NUDCD3: variants seen among roughly 807,000 people sequenced by gnomAD.
NUDCD3 encodes the protein NudC domain containing 3, also known as nudC domain-containing protein 3.
NUDCD3 carries 13 observed loss-of-function variants against 39.7 expected under a neutral mutation model. That is an observed-to-expected ratio of 0.33 (90% CI 0.21 to 0.52). The LOEUF (loss-of-function observed/expected upper bound fraction) is 0.52, where lower values mean the gene tolerates loss of function less well. NUDCD3 is among the 20% of genes least tolerant of loss of function. The pLI is 0.96. For synonymous variants in NUDCD3, 175 were observed against 172.4 expected, an observed-to-expected ratio of 1.02 and a Z score of -0.12; for missense variants, 453 against 458.1, an observed-to-expected ratio of 0.99 and a Z score of 0.10.
intron 3 of NUDCD3, among the ~76,000 whole-genome samples, chr7:44,427,365 T>G (rs1799256205): frequency 6.6e-6 from 1 of 152,168 alleles, no homozygotes; most frequent in Non-Finnish European, 1.5e-5. Flanking sequence ...AAGGGAGGTT[T>G]CTGCAGAAGA....
At chr7:44,394,354 C>T (rs960839277) in intron 4 of NUDCD3, among the ~76,000 whole-genome samples, 3 of 152,188 alleles carry the variant, frequency 2.0e-5, no homozygotes, top group East Asian at 1.9e-4. Flanking sequence ...GCTGGTTTGT[C>T]GTTGACTTTA....
rs1295395172 is a variant in NUDCD3 at position 44,490,478 on chromosome 7, A to G, written c.123T>C (p.Tyr41=). Residue 41 remains tyrosine, a synonymous_variant, in exon 1 of 6, where the codon TAT becomes TAC. Transcript: ENST00000355451. ...GGTCCGATGGGTGGCGCAGCAAGCG[A>G]TAGAAGTCTGTCTTGCGGTAGAGGA... ...FGFLYRKTDF[Y]RLLRHPSDRM... 9.3e-6 allele frequency: 15 copies of G among 1,606,658 alleles called. No individual in the cohort carries two copies. The African/African-American group carries it at 1.5e-4, about 16-fold the overall frequency.
At chr7:44,438,599 T>C (rs1799513723) in intron 2 of NUDCD3, among the ~76,000 whole-genome samples, 1 of 62,480 alleles carries the variant, frequency 1.6e-5, no homozygotes. Context: ...CCAGTGCTAA[T>C]TCTGACCCCA....
At chr7:44,445,801 G>A (rs1171490859) in intron 2 of NUDCD3, among the ~76,000 whole-genome samples, 1 of 152,222 alleles carries the variant, frequency 6.6e-6, no homozygotes, top group Non-Finnish European at 1.5e-5. Flanking sequence ...CCAAGGCAAA[G>A]AGGTTTTACG....
chr7:44,416,135 G>A (rs982085282), intron 3 of NUDCD3, among the ~76,000 whole-genome samples: 2 of 152,098 alleles, frequency 1.3e-5, no homozygotes, highest in Admixed American at 6.6e-5. Flanking sequence ...CCAAGGTGGA[G>A]TGCAGTGGCA....
chr7:44,479,316 A>ATTG (rs1211857392), intron 2 of NUDCD3, among the ~76,000 whole-genome samples: 1 of 152,208 alleles, frequency 6.6e-6, no homozygotes, highest in Non-Finnish European at 1.5e-5. Context: ...AATGAATTGT[A>ATTG]TTGTTACATA....
chr7:44,399,518 G>C (rs895605480), intron 4 of NUDCD3, among the ~76,000 whole-genome samples: 9 of 152,208 alleles, frequency 5.9e-5, no homozygotes, highest in African/African-American at 1.9e-4. Flanking sequence ...GGGGACTCAG[G>C]AAAGTGGCTC....
At chr7:44,463,639 T>G (rs1436255313) in intron 2 of NUDCD3, among the ~76,000 whole-genome samples, 1 of 152,104 alleles carries the variant, frequency 6.6e-6, no homozygotes, top group East Asian at 1.9e-4. Context: ...GAGAGGATAT[T>G]ACACTCATAA....
intron 2 of NUDCD3, among the ~76,000 whole-genome samples, chr7:44,481,693 A>G (rs957804585): frequency 1.3e-5 from 2 of 152,176 alleles, no homozygotes; most frequent in African/African-American, 4.8e-5. Flanking sequence ...TTCTTCCAAA[A>G]TTTTGCTAAT....
At chr7:44,412,787 C>T (rs1180564544) in intron 3 of NUDCD3, among the ~76,000 whole-genome samples, 2 of 151,816 alleles carry the variant, frequency 1.3e-5, no homozygotes, top group Admixed American at 6.6e-5. Context: ...ATTAGTTGGG[C>T]GTAGTGGCAG....
chr7:44,472,251 T>A (rs1464792413), intron 2 of NUDCD3, among the ~76,000 whole-genome samples: 1 of 152,182 alleles, frequency 6.6e-6, no homozygotes, highest in Non-Finnish European at 1.5e-5. Flanking sequence ...ATATAGTTGT[T>A]ACTAAAATAC....
At chr7:44,442,195 T>C (rs886619980) in intron 2 of NUDCD3, among the ~76,000 whole-genome samples, 1 of 152,216 alleles carries the variant, frequency 6.6e-6, no homozygotes, top group African/African-American at 2.4e-5. Flanking sequence ...ACAAATAATA[T>C]TGTTATCATC....
chr7:44,486,076 A>C (rs534535870), intron 1 of NUDCD3, among the ~76,000 whole-genome samples: 3 of 152,370 alleles, frequency 2.0e-5, no homozygotes, highest in African/African-American at 4.8e-5. Context: ...GGAGGATCCC[A>C]GTTAGACCCT....
rs561801863 is a variant in NUDCD3, at chr7:44,434,556, A to AC, written c.510-6854dup. On this transcript the variant is annotated intron_variant, in intron 2 of 5. Transcript: ENST00000355451. The stretch of plus-strand genomic sequence containing the variant: ...ATGCTTCTTTACTAGCAGGGATGTG[A>AC]CCCCCCCGCCCCGCAATATCAGGCC... 2.5e-3 allele frequency among the ~76,000 whole-genome samples: 380 copies of AC among 150,290 alleles called. 4 individuals carry two copies. Among genetic ancestry groups the AC allele is most frequent in the African/African-American group, 8.3e-3 (338 of 40,756 alleles).
chr7:44,412,372 A>G (rs762350290), intron 3 of NUDCD3, among the ~76,000 whole-genome samples: 19 of 152,242 alleles, frequency 1.2e-4, no homozygotes, highest in Non-Finnish European at 1.5e-4. Context: ...TTTTATTACA[A>G]TTTTTAAAAA....
At chr7:44,416,251 AT>A (rs987272780) in intron 3 of NUDCD3, among the ~76,000 whole-genome samples, 2 of 151,738 alleles carry the variant, frequency 1.3e-5, no homozygotes, top group South Asian at 4.2e-4. Context: ...CCCCAGCTAA[AT>A]TTTTTTTGTG....
chr7:44,432,210 C>T (rs1448201896), intron 2 of NUDCD3, among the ~76,000 whole-genome samples: 1 of 152,082 alleles, frequency 6.6e-6, no homozygotes, highest in Non-Finnish European at 1.5e-5. Context: ...TGAGCCCAGG[C>T]GTTTAAGGTT....
intron 3 of NUDCD3, among the ~76,000 whole-genome samples, chr7:44,423,705 T>C (rs986979670): frequency 1.3e-5 from 2 of 152,090 alleles, no homozygotes; most frequent in Non-Finnish European, 2.9e-5. Flanking sequence ...ATTGTGAAAA[T>C]GGCCATACTG....
At position 44,385,725 on chromosome 7, in the gene NUDCD3, A is replaced by G. The variant is rs1585045795; in HGVS notation, c.*286T>C. The G allele has an allele frequency of 2.4e-6, 1 of 415,866 alleles. No individual in the cohort carries two copies. Among genetic ancestry groups the G allele is most frequent in the Admixed American group, 4.0e-5 (1 of 25,006 alleles). The allele number at this position is 415,866 out of a possible 1,614,324, so 25.8% of individuals were successfully genotyped here. A position where few individuals can be genotyped will look rare whatever the true frequency, so the allele number is the denominator to read the frequency against. On this transcript the variant is annotated 3_prime_UTR_variant, in exon 6 of 6. Transcript: ENST00000355451. ...TGCCTGCAGTGGCTGGTTGCTGTGG[A>G]GACAAAAGCATGTGATCCCAATTTG... is the stretch of plus-strand genomic sequence containing the variant.
Sources: allele counts gnomAD v4.1 joint callset (sites outside exome capture counted in the v4.1 genomes callset), GRCh38; gene constraint gnomAD v4.1.1; transcripts MANE v1.5; gene names NCBI Gene and HGNC (gene_info 2026-07-23, HGNC 2026-07-21).